TRMT11: variants seen among roughly 807,000 people sequenced by gnomAD.
TRMT11 encodes the protein tRNA (guanine(10)-N(2))-methyltransferase TRMT11.
TRMT11 carries 53 observed loss-of-function variants against 62.8 expected under a neutral mutation model. The ratio of observed to expected loss-of-function variants is 0.84; its 90% confidence interval spans 0.68 to 1.06. The LOEUF is 1.06. Among genes scored for constraint, TRMT11 ranks in the 50% least tolerant of loss-of-function variants. The pLI is 0.00. For synonymous variants in TRMT11, 188 were observed against 190.3 expected (o/e 0.99, Z 0.10); for missense variants, 556 against 553.4 (o/e 1.00, Z -0.05).
chr6:126,192,583 A>G (rs1386299264), intron 1 of TRMT11, among the ~76,000 whole-genome samples: 1 of 152,136 alleles, frequency 6.6e-6, no homozygotes, highest in East Asian at 1.9e-4. Flanking sequence ...TGGGATTGTC[A>G]TATATGGCTT....
the TRMT11 span, among the ~76,000 whole-genome samples, chr6:126,266,828 C>A: frequency 3.3e-5 from 5 of 152,092 alleles, no homozygotes; most frequent in Admixed American, 2.0e-4. Flanking sequence ...GACTGCCTGT[C>A]ATGCTTAATC....
At chr6:125,995,419 A>C (rs950594539) in intron 2 of TRMT11, among the ~76,000 whole-genome samples, 1 of 152,068 alleles carries the variant, frequency 6.6e-6, no homozygotes, top group African/African-American at 2.4e-5. Context: ...GATTGGGAAA[A>C]CACCCCTGAT....
At chr6:126,014,981 A>G (rs1454367027) in intron 11 of TRMT11, among the ~76,000 whole-genome samples, 1 of 152,040 alleles carries the variant, frequency 6.6e-6, no homozygotes, top group South Asian at 2.1e-4. Context: ...AGATAAGAGT[A>G]TATTTGTTCA....
At chr6:126,157,171 G>A (rs890802398) in intron 21 of TRMT11, among the ~76,000 whole-genome samples, 3 of 152,150 alleles carry the variant, frequency 2.0e-5, no homozygotes, top group African/African-American at 7.2e-5. Context: ...GAGGCAGGAA[G>A]TGGGCTGCCC....
At chr6:126,104,017 G>C (rs899144880) in intron 17 of TRMT11, among the ~76,000 whole-genome samples, 1 of 152,154 alleles carries the variant, frequency 6.6e-6, no homozygotes, top group Non-Finnish European at 1.5e-5. Context: ...ACAAAGATTT[G>C]AGACAATTAT....
chr6:126,215,862 A>G, the TRMT11 span, among the ~76,000 whole-genome samples: 6 of 152,104 alleles, frequency 3.9e-5, no homozygotes, highest in Admixed American at 3.9e-4. Flanking sequence ...AGCAAAAAGA[A>G]TACAAACTGT....
intron 21 of TRMT11, among the ~76,000 whole-genome samples, chr6:126,147,683 G>T (rs1777989187): frequency 6.6e-6 from 1 of 152,190 alleles, no homozygotes; most frequent in Admixed American, 6.5e-5. Flanking sequence ...GAAGGAAGCT[G>T]TGGAGGTGGG....
At chr6:126,194,265 T>C (rs537186232) in intron 1 of TRMT11, among the ~76,000 whole-genome samples, 1 of 152,194 alleles carries the variant, frequency 6.6e-6, no homozygotes, top group African/African-American at 2.4e-5. Context: ...TCCCCTACTA[T>C]TATTATATTG....
chr6:126,045,383 A>G (rs966620892), intron 16 of TRMT11, among the ~76,000 whole-genome samples: 5 of 152,148 alleles, frequency 3.3e-5, no homozygotes, highest in Non-Finnish European at 7.4e-5. Context: ...TGACAGACAC[A>G]TAGCTTTCTG....
chr6:126,182,944 G>A lies in TRMT11; in HGVS notation n.143+5609G>A, dbSNP rs571358099. The stretch of plus-strand genomic sequence containing the variant: ...TTTGTAATTGAAAGGCCAATTTCAG[G>A]CCCATTTCAACTGGGGCTGTTGGAA... On this transcript the variant is annotated intron_variant and non_coding_transcript_variant, in intron 1 of 3. Coordinates refer to the TRMT11 transcript ENST00000444229. 4.6e-5 allele frequency among the ~76,000 whole-genome samples: 7 copies of A among 152,120 alleles called. No homozygotes were observed. In the South Asian group the frequency reaches 1.2e-3, roughly 27 times the overall value.
chr6:126,214,946 C>G, the TRMT11 span, among the ~76,000 whole-genome samples: 5 of 151,960 alleles, frequency 3.3e-5, no homozygotes, highest in African/African-American at 1.2e-4. Context: ...TCATTTGTTT[C>G]AAGAAATTTC....
At chr6:126,014,088 A>G (rs1317542628) in intron 11 of TRMT11, among the ~76,000 whole-genome samples, 1 of 152,220 alleles carries the variant, frequency 6.6e-6, no homozygotes, top group Non-Finnish European at 1.5e-5. Flanking sequence ...ACTATTAAAT[A>G]TAAAGCTATA....
intron 21 of TRMT11, among the ~76,000 whole-genome samples, chr6:126,151,111 C>T (rs1778032954): frequency 6.6e-6 from 1 of 152,154 alleles, no homozygotes. Flanking sequence ...TTCCTTCTGG[C>T]ATTTGCATAT....
At chr6:126,232,449 G>A in the TRMT11 span, among the ~76,000 whole-genome samples, 8 of 151,866 alleles carry the variant, frequency 5.3e-5, no homozygotes, top group Admixed American at 2.6e-4. Context: ...GAAAATACCT[G>A]CGACTCAGGT....
chr6:126,187,818 A>G (rs1778543434), intron 1 of TRMT11, among the ~76,000 whole-genome samples: 1 of 151,666 alleles, frequency 6.6e-6, no homozygotes, highest in African/African-American at 2.4e-5. Context: ...AGACTCATGT[A>G]TATACAGTAA....
chr6:126,221,818 G>A, the TRMT11 span, among the ~76,000 whole-genome samples: 4 of 152,118 alleles, frequency 2.6e-5, no homozygotes, highest in African/African-American at 9.7e-5. Flanking sequence ...AATTTAGTTA[G>A]ACCCTACTCA....
chr6:125,986,886 A>G, intron 1 of TRMT11: 1 of 483,958 alleles, frequency 2.1e-6, no homozygotes, highest in Non-Finnish European at 3.7e-6. Flanking sequence ...GCAGGTGAAT[A>G]TGACCGGTCA....
intron 21 of TRMT11, among the ~76,000 whole-genome samples, chr6:126,131,856 G>T (rs1327706893): frequency 6.6e-6 from 1 of 151,874 alleles, no homozygotes; most frequent in Non-Finnish European, 1.5e-5. Flanking sequence ...TGATGAGTAT[G>T]ATATAAAACC....
chr6:126,061,579 A>G (rs2128126980), intron 17 of TRMT11, among the ~76,000 whole-genome samples: 1 of 150,060 alleles, frequency 6.7e-6, no homozygotes, highest in African/African-American at 2.5e-5. Flanking sequence ...ATACCTGTAA[A>G]CAGTTCAATC....
Sources: gnomAD v4.1 joint callset for allele counts (sites outside exome capture counted in the v4.1 genomes callset) on GRCh38, gnomAD v4.1.1 for gene constraint, MANE v1.5 for transcripts, NCBI Gene and HGNC (gene_info 2026-07-23, HGNC 2026-07-21) for gene names.